Variants in EFTUD2 observed in about 807,000 individuals in gnomAD.
EFTUD2 encodes the protein elongation factor Tu GTP binding domain containing 2, also known as 116 kDa U5 small nuclear ribonucleoprotein component.
In EFTUD2, 9 loss-of-function variants were observed where a neutral mutation model predicts 114.3. The observed-to-expected ratio is 0.08, with a 90% confidence interval of 0.05 to 0.14. The LOEUF (loss-of-function observed/expected upper bound fraction) is 0.14, where lower values mean the gene tolerates loss of function less well. EFTUD2 is among the 10% of genes least tolerant of loss of function. The probability of loss-of-function intolerance (pLI) is 1.00; values close to 1 mark genes in which losing one functional copy is unlikely to be tolerated. For synonymous variants in EFTUD2, 449 were observed against 462.3 expected (o/e 0.97, Z 0.37); for missense variants, 765 against 1,241.2 (o/e 0.62, Z 5.76).
In EFTUD2 at chr17:44,854,991, T is replaced by C. The variant is rs2050521828; in HGVS notation, c.2059A>G (p.Met687Val). The change falls in exon 21 of 28, where the codon ATG becomes GTG. Residue 687 changes from methionine (M) to valine (V), a missense_variant. Met to Val is a conservative substitution (Grantham distance 21). Around this residue, in one of 6 missense-constraint regions of EFTUD2, gnomAD observed 166 missense variants for 401.5 expected, o/e 0.41. Transcript: ENST00000426333. This position sits in a 1 kb window ranked among gnomAD's most constrained non-coding sequence, Gnocchi z 4.3. Reference protein sequence around the residue: ...ETPNKKNKITMIAEPLEKGLA... With the variant: ...ETPNKKNKITVIAEPLEKGLA... ...CCCTTCTCAAGAGGCTCAGCAATCA[T>C]GGTGATCTTGTTCCTGGTCAGAATG... The C allele has an allele frequency of 6.2e-7, 1 of 1,614,100 alleles. No individual in the cohort carries two copies.
chr17:44,883,843 G>T, intron 4 of EFTUD2, 119 bp from the exon 5 acceptor site: 2 of 842,038 alleles, frequency 2.4e-6, no homozygotes, highest in Non-Finnish European at 4.0e-6. Context: ...ACTGGAGAGT[G>T]CTCAGGCAGA....
In EFTUD2 at chr17:44,863,525, C is replaced by T. The variant is rs1208895786; in HGVS notation, c.1413+130G>A. 1.0e-5 allele frequency: 14 copies of T among 1,348,196 alleles called. No homozygotes were observed. In the East Asian group the frequency reaches 3.3e-4, roughly 32 times the overall value. The allele number at this position is 1,348,196 out of a possible 1,614,324, so 83.5% of individuals were successfully genotyped here. A position where few individuals can be genotyped will look rare whatever the true frequency, so the allele number is the denominator to read the frequency against. The stretch of plus-strand genomic sequence containing the variant: ...GGCAACATCAGGCTTTGCATTCAGG[C>T]CTGACTGTGCTCATGGGGATGGGGA... On this transcript the variant is annotated intron_variant, in intron 15 of 27. Transcript: ENST00000426333.
At chr17:44,876,623 T>C (rs7211720) in intron 9 of EFTUD2, among the ~76,000 whole-genome samples, 40,533 of 151,544 alleles carry the variant, frequency 0.27, 5,450 homozygotes, top group Non-Finnish European at 0.28. Context: ...GAGGCTGAGG[T>C]GGGCGAATCA....
chr17:44,878,135 CAAAACCA>C (rs552615972), intron 9 of EFTUD2, among the ~76,000 whole-genome samples: 83 of 152,264 alleles, frequency 5.5e-4, no homozygotes, highest in African/African-American at 1.7e-3. Flanking sequence ...GACTCCATCT[CAAAACCA>C]AAACAAAACA....
chr17:44,852,966 C>T (rs547103408), intron 25 of EFTUD2, among the ~76,000 whole-genome samples: 18 of 152,056 alleles, frequency 1.2e-4, no homozygotes, highest in African/African-American at 3.9e-4. Context: ...CTGCAAGCTC[C>T]GCCTCCTGGG....
intron 16 of EFTUD2, among the ~76,000 whole-genome samples, chr17:44,861,550 G>A (rs2050660382): frequency 6.6e-6 from 1 of 151,754 alleles, no homozygotes; most frequent in Admixed American, 6.6e-5. Context: ...TGGCTAATAC[G>A]GTGAAACCTG....
intron 5 of EFTUD2, among the ~76,000 whole-genome samples, chr17:44,883,404 T>C (rs568467759): frequency 2.0e-5 from 3 of 152,336 alleles, no homozygotes; most frequent in East Asian, 3.9e-4. Flanking sequence ...AAGGCTCAAT[T>C]TCCCATCTTC....
chr17:44,886,853 G>T (rs2051184280), intron 2 of EFTUD2, 103 bp from the exon 3 acceptor site: 2 of 1,496,290 alleles, frequency 1.3e-6, no homozygotes, highest in African/African-American at 2.8e-5. Flanking sequence ...ATGCTGGCCA[G>T]CTTCTTATTC....
chr17:44,889,802 T>C (rs1465063006), intron 2 of EFTUD2, among the ~76,000 whole-genome samples: 1 of 152,150 alleles, frequency 6.6e-6, no homozygotes, highest in Admixed American at 6.5e-5. Flanking sequence ...GCCACATATA[T>C]CCTACTGGTG....
chr17:44,878,940 A>G (rs1465718555), intron 9 of EFTUD2, among the ~76,000 whole-genome samples: 4 of 152,160 alleles, frequency 2.6e-5, no homozygotes, highest in African/African-American at 9.7e-5. Flanking sequence ...AAACACAACT[A>G]ATATTAAAAA....
intron 19 of EFTUD2, 65 bp downstream of exon 19, chr17:44,859,015 C>T (rs1413308357): frequency 5.6e-5 from 60 of 1,071,730 alleles, no homozygotes; most frequent in Non-Finnish European, 5.5e-5. Context: ...CCCAGGAATT[C>T]AAGGATTTGG....
intron 1 of EFTUD2, among the ~76,000 whole-genome samples, chr17:44,898,335 A>T (rs35653192): frequency 6.6e-6 from 1 of 152,274 alleles, no homozygotes; most frequent in South Asian, 2.1e-4. Context: ...CTCCTGCCTC[A>T]GCCTCCCGAG....
At position 44,850,811 on chromosome 17, in the gene EFTUD2, G is replaced by A; in HGVS notation, c.*463C>T. ...CCAGGCAGGAAGGAGGCTGCAGCTGGAAGCAGAGGCAGTGAAGCCTCTTGG... is the reference window on the plus strand; with the variant it reads ...CCAGGCAGGAAGGAGGCTGCAGCTGAAAGCAGAGGCAGTGAAGCCTCTTGG... On this transcript the variant is annotated 3_prime_UTR_variant, in exon 28 of 28. Transcript: ENST00000426333. The A allele has an allele frequency of 4.3e-6, 1 of 233,302 alleles. No homozygotes were observed. The highest frequency in any genetic ancestry group is 8.6e-6 in the Non-Finnish European group (1 of 116,786). 14.5% of individuals were successfully genotyped at this position (233,302 alleles called of 1,614,324 possible). A position where few individuals can be genotyped will look rare whatever the true frequency, so the allele number is the denominator to read the frequency against.
At chr17:44,894,278 G>A (rs1023609420) in intron 2 of EFTUD2, 139 bp downstream of exon 2, 16 of 669,830 alleles carry the variant, frequency 2.4e-5, no homozygotes, top group South Asian at 2.3e-4. Context: ...GCCAAGGTGG[G>A]AGGATCACTT....
Position 44,850,262 on chromosome 17 carries a change from G to A in EFTUD2, c.*1012C>T. 1 of 1,284,262 alleles carries A rather than the reference G, an allele frequency of 7.8e-7. No homozygotes were observed. Among genetic ancestry groups the A allele is most frequent in the Non-Finnish European group, 1.1e-6 (1 of 902,794 alleles). The allele number at this position is 1,284,262 out of a possible 1,614,324, so 79.6% of individuals were successfully genotyped here. A position where few individuals can be genotyped will look rare whatever the true frequency, so the allele number is the denominator to read the frequency against. On this transcript the variant is annotated 3_prime_UTR_variant, in exon 28 of 28. Transcript: ENST00000426333. ...GGAGCAGCTAGAGGTGAACCCCTAG[G>A]ACGCCTGAGAGCCAGAGGACGGGTG...
chr17:44,864,393 T>A (rs970757182), intron 14 of EFTUD2, among the ~76,000 whole-genome samples: 1 of 152,170 alleles, frequency 6.6e-6, no homozygotes, highest in African/African-American at 2.4e-5. Flanking sequence ...CCCTCAGCCA[T>A]CACCCTTTCC....
At chr17:44,883,570 C>T (rs1032768932) in intron 5 of EFTUD2, 79 bp downstream of exon 5, 18 of 1,372,754 alleles carry the variant, frequency 1.3e-5, no homozygotes, top group East Asian at 4.6e-5. Context: ...AAACCTCAAC[C>T]GCTGTGACTC....
chr17:44,870,529 T>C (rs1271250224), intron 11 of EFTUD2, among the ~76,000 whole-genome samples: 1 of 152,232 alleles, frequency 6.6e-6, no homozygotes, highest in Non-Finnish European at 1.5e-5. Context: ...GTTCCAATTA[T>C]ACATGGATTT....
intron 13 of EFTUD2, among the ~76,000 whole-genome samples, chr17:44,867,223 C>T (rs17628058): frequency 0.093 from 14,105 of 151,936 alleles, 770 homozygotes; most frequent in East Asian, 0.14. Flanking sequence ...TCACATTCTT[C>T]TCAATAGTCA....
Sources: allele counts gnomAD v4.1 joint callset (sites outside exome capture counted in the v4.1 genomes callset), GRCh38; gene constraint gnomAD v4.1.1; regional missense constraint gnomAD v4.1.1; non-coding constraint Gnocchi (gnomAD v3.1); transcripts MANE v1.5; gene names NCBI Gene and HGNC (gene_info 2026-07-23, HGNC 2026-07-21).